The following EMID1 variants were observed in gnomAD, a reference collection of about 807,000 sequenced individuals.
The protein encoded by EMID1 is EMI domain containing 1.
In EMID1, 40 loss-of-function variants were observed where a neutral mutation model predicts 60.6. That is an observed-to-expected ratio of 0.66 (90% CI 0.51 to 0.86). The LOEUF (loss-of-function observed/expected upper bound fraction) is 0.86. Among genes scored for constraint, EMID1 ranks in the 40% least tolerant of loss-of-function variants. The pLI, the probability that EMID1 is intolerant of heterozygous loss-of-function variation, is 0.00. For synonymous variants in EMID1, 242 were observed against 231.0 expected, an observed-to-expected ratio of 1.05 and a Z score of -0.43; for missense variants, 585 against 597.1, an observed-to-expected ratio of 0.98 and a Z score of 0.21.
intron 13 of EMID1, among the ~76,000 whole-genome samples, chr22:29,252,916 A>G (rs796705075): frequency 3.3e-5 from 5 of 152,346 alleles, no homozygotes; most frequent in African/African-American, 1.2e-4. Flanking sequence ...GACCTGGGGA[A>G]GGGACAGAGT....
chr22:29,230,538 G>A (rs1210267126), intron 5 of EMID1, among the ~76,000 whole-genome samples: 1 of 152,194 alleles, frequency 6.6e-6, no homozygotes, highest in Non-Finnish European at 1.5e-5. Flanking sequence ...GTTATGAATT[G>A]TGTGCTTTGA....
intron 12 of EMID1, among the ~76,000 whole-genome samples, chr22:29,236,491 G>A (rs2040952546): frequency 6.6e-6 from 1 of 152,108 alleles, no homozygotes; most frequent in Admixed American, 6.5e-5. Context: ...AGGAGTTTGA[G>A]ACCAGCCTGG....
At chr22:29,254,182 A>T in intron 13 of EMID1, 21 bp from the exon 14 acceptor site, 2 of 1,613,720 alleles carry the variant, frequency 1.2e-6, no homozygotes, top group Non-Finnish European at 1.7e-6. Flanking sequence ...TCACGGCTGC[A>T]TCTGTCTCTT....
At chr22:29,243,547 G>C in intron 13 of EMID1, 58 bp downstream of exon 13, 3 of 1,603,706 alleles carry the variant, frequency 1.9e-6, no homozygotes, top group Non-Finnish European at 2.6e-6. Context: ...ATGCTCAAGA[G>C]AGTATTCCCT....
rs777032080 is a variant in EMID1, at chr22:29,215,348, T to TG, written c.216-177dup. On this transcript the variant is annotated intron_variant, in intron 2 of 14. Coordinates refer to ENST00000334018, the MANE Select transcript of EMID1 (RefSeq NM_133455.4). ...GCTGGTATCCAATCTCCAATCCCTGTGGCAAGGTGGTGGGGGGATGGAAGG... is the reference window on the plus strand; with the variant it reads ...GCTGGTATCCAATCTCCAATCCCTGTGGGCAAGGTGGTGGGGGGATGGAAGG... 3.0e-4 allele frequency: 279 copies of TG among 926,078 alleles called. 4 individuals are homozygous for TG. The highest frequency in any genetic ancestry group is 6.3e-5 in the Non-Finnish European group (49 of 775,960). The allele number at this position is 926,078 out of a possible 1,614,324, so 57.4% of individuals were successfully genotyped here.
At chr22:29,256,183 G>A (rs2041699535) in intron 14 of EMID1, among the ~76,000 whole-genome samples, 1 of 152,062 alleles carries the variant, frequency 6.6e-6, no homozygotes, top group Admixed American at 6.6e-5. Flanking sequence ...CTATTTTAAA[G>A]ACTGAGAGGC....
intron 5 of EMID1, 64 bp downstream of exon 5, chr22:29,226,615 T>C: frequency 6.6e-7 from 1 of 1,521,326 alleles, no homozygotes; most frequent in Non-Finnish European, 8.9e-7. Context: ...GCAACCACCA[T>C]CCCACCCTCC....
At chr22:29,245,685 A>G (rs1308057406) in intron 13 of EMID1, among the ~76,000 whole-genome samples, 1 of 152,222 alleles carries the variant, frequency 6.6e-6, no homozygotes, top group African/African-American at 2.4e-5. Context: ...TGCAGCTTGC[A>G]GATGCGTTCT....
At chr22:29,210,805 G>A (rs1162372319) in intron 1 of EMID1, among the ~76,000 whole-genome samples, 2 of 152,226 alleles carry the variant, frequency 1.3e-5, no homozygotes, top group African/African-American at 4.8e-5. Flanking sequence ...ACCTCTCCCG[G>A]CCTAGTCTGG....
At chr22:29,225,611 T>G (rs1307622837) in intron 4 of EMID1, among the ~76,000 whole-genome samples, 3 of 152,124 alleles carry the variant, frequency 2.0e-5, no homozygotes, top group Non-Finnish European at 4.4e-5. Flanking sequence ...GTCCCCTTTT[T>G]AAAGAGGAGG....
At chr22:29,227,796 A>T (rs1472453757) in intron 5 of EMID1, among the ~76,000 whole-genome samples, 1 of 151,734 alleles carries the variant, frequency 6.6e-6, no homozygotes, top group Non-Finnish European at 1.5e-5. Context: ...CGGGTGGATC[A>T]CAAGGTCAGG....
intron 8 of EMID1, chr22:29,233,064 A>G: frequency 2.6e-6 from 1 of 383,108 alleles, no homozygotes; most frequent in South Asian, 3.7e-5. Context: ...GGCACACAGT[A>G]GGTGGTGGAT....
intron 14 of EMID1, among the ~76,000 whole-genome samples, chr22:29,257,362 G>C (rs550930058): frequency 6.6e-6 from 1 of 152,288 alleles, no homozygotes; most frequent in African/African-American, 2.4e-5. Flanking sequence ...TGGCCCACCT[G>C]GGCTGGATTG....
chr22:29,215,681 C>G, intron 3 of EMID1, 51 bp downstream of exon 3: 1 of 1,467,264 alleles, frequency 6.8e-7, no homozygotes. Flanking sequence ...GGCCAGGTGC[C>G]TCCCTGCAGG....
chr22:29,256,826 G>T (rs999517993), intron 14 of EMID1, among the ~76,000 whole-genome samples: 30 of 152,130 alleles, frequency 2.0e-4, no homozygotes, highest in South Asian at 4.1e-4. Context: ...CCTTGAGAGA[G>T]TCCTGCCTGT....
chr22:29,210,772 C>A (rs1438347285), intron 1 of EMID1, among the ~76,000 whole-genome samples: 4 of 152,178 alleles, frequency 2.6e-5, no homozygotes, highest in Non-Finnish European at 5.9e-5. Context: ...ACAGCTCTGG[C>A]CATTGTGGAC....
At chr22:29,244,007 A>G (rs969386745) in intron 13 of EMID1, among the ~76,000 whole-genome samples, 2 of 152,226 alleles carry the variant, frequency 1.3e-5, no homozygotes, top group African/African-American at 4.8e-5. Flanking sequence ...AGATACCACC[A>G]TACACATCGG....
At chr22:29,218,541 T>G (rs1241942836) in intron 3 of EMID1, among the ~76,000 whole-genome samples, 1 of 152,084 alleles carries the variant, frequency 6.6e-6, no homozygotes, top group Admixed American at 6.5e-5. Flanking sequence ...CCCCCAGGCC[T>G]CAGGAGGTGG....
At chr22:29,252,221 G>A (rs2041553234) in intron 13 of EMID1, among the ~76,000 whole-genome samples, 1 of 152,230 alleles carries the variant, frequency 6.6e-6, no homozygotes, top group Admixed American at 6.5e-5. Flanking sequence ...TCAGCGGCCT[G>A]AGGGTCACCC....
Sources: allele counts gnomAD v4.1 joint callset (sites outside exome capture counted in the v4.1 genomes callset), GRCh38; gene constraint gnomAD v4.1.1; transcripts MANE v1.5; gene names NCBI Gene and HGNC (gene_info 2026-07-23, HGNC 2026-07-21).